Variants in IMPG1 observed in about 807,000 individuals in gnomAD.
The protein encoded by IMPG1 is interphotoreceptor matrix proteoglycan 1.
In IMPG1, 85 loss-of-function variants were observed where a neutral mutation model predicts 92.0. The ratio of observed to expected loss-of-function variants is 0.92; its 90% CI spans 0.78 to 1.11. The LOEUF (loss-of-function observed/expected upper bound fraction) is 1.11, where lower values mean the gene tolerates loss of function less well. Ranked by LOEUF, IMPG1 falls within the 50% of genes least tolerant of loss-of-function variation. The pLI is 0.00. For missense variants in IMPG1, 1,022 were observed against 956.0 expected, an observed-to-expected ratio of 1.07 and a Z score of -0.91; for synonymous variants, 367 against 334.1, an observed-to-expected ratio of 1.10 and a Z score of -1.08.
chr6:75,958,142 C>T lies in IMPG1; in HGVS notation c.1292-7048G>A, dbSNP rs562732452. On this transcript the variant is annotated intron_variant, in intron 12 of 16. Transcript: ENST00000369950. ...TCTGTAAAGGATTTTATTTCTTCTT[C>T]GCTTATGAAGCTTAGTTTGGCTGGA... Among the ~76,000 whole-genome samples, 12 of 152,262 alleles carry T rather than the reference C, an allele frequency of 7.9e-5. No individual in the cohort carries two copies. The South Asian group carries it at 1.7e-3, about 21-fold the overall frequency.
chr6:75,961,544 C>T (rs1205952425), intron 12 of IMPG1, among the ~76,000 whole-genome samples: 1 of 151,970 alleles, frequency 6.6e-6, no homozygotes, highest in East Asian at 1.9e-4. Context: ...AAAACAAAAA[C>T]CAAAACAATA....
intron 6 of IMPG1, among the ~76,000 whole-genome samples, chr6:76,020,272 T>G (rs1382165112): frequency 2.6e-5 from 4 of 152,124 alleles, no homozygotes; most frequent in Non-Finnish European, 4.4e-5. Context: ...AGGCTGATCT[T>G]GAGCTCCTGG....
chr6:76,007,832 C>G (rs76718899), intron 8 of IMPG1, among the ~76,000 whole-genome samples: 2,781 of 152,196 alleles, frequency 0.018, 88 homozygotes, highest in African/African-American at 0.064. Flanking sequence ...GAAATCTATC[C>G]TACATGTTTT....
intron 1 of IMPG1, among the ~76,000 whole-genome samples, chr6:76,067,353 A>T (rs1328286906): frequency 1.3e-5 from 2 of 152,108 alleles, no homozygotes; most frequent in South Asian, 4.1e-4. Context: ...GAAAAAGACA[A>T]CATTACTACT....
chr6:75,945,942 CTAAG>C (rs1781921019), intron 14 of IMPG1, among the ~76,000 whole-genome samples: 1 of 152,164 alleles, frequency 6.6e-6, no homozygotes, highest in Admixed American at 6.5e-5. Context: ...GGATGGGTCC[CTAAG>C]TAAGCTGTCA....
At chr6:76,012,090 A>T (rs1414436127) in intron 7 of IMPG1, among the ~76,000 whole-genome samples, 3 of 152,302 alleles carry the variant, frequency 2.0e-5, no homozygotes, top group Admixed American at 2.0e-4. Context: ...TGCTGTACTT[A>T]AAGTGGTAGA....
chr6:76,020,389 G>A (rs1474875915), intron 6 of IMPG1, among the ~76,000 whole-genome samples: 1 of 152,178 alleles, frequency 6.6e-6, no homozygotes, highest in African/African-American at 2.4e-5. Context: ...CATGCCAGCA[G>A]TTCAACCAAA....
chr6:76,015,800 CAAAAAAAAAA>C (rs35389302), intron 7 of IMPG1, among the ~76,000 whole-genome samples: 2 of 66,726 alleles, frequency 3.0e-5, no homozygotes, highest in East Asian at 4.2e-4. Flanking sequence ...AACTCTGTCT[CAAAAAAAAAA>C]AAAAAAAAAA....
chr6:75,973,443 C>G (rs958491404), intron 12 of IMPG1, among the ~76,000 whole-genome samples: 1 of 152,084 alleles, frequency 6.6e-6, no homozygotes, highest in Admixed American at 6.6e-5. Flanking sequence ...TGCCTGTTGA[C>G]TTTGTGTCAG....
At chr6:76,014,110 A>G (rs1424699899) in intron 7 of IMPG1, among the ~76,000 whole-genome samples, 1 of 152,190 alleles carries the variant, frequency 6.6e-6, no homozygotes, top group Non-Finnish European at 1.5e-5. Context: ...ATCTCTCTGA[A>G]TCTTGGTCTC....
chr6:75,974,329 CCCTT>C (rs1162097872), intron 12 of IMPG1, among the ~76,000 whole-genome samples: 14 of 122,614 alleles, frequency 1.1e-4, no homozygotes, highest in African/African-American at 3.0e-4. Context: ...CTCTTTCTTT[CCCTT>C]TCTTTCTTTC....
In IMPG1 at chr6:76,013,309, C is replaced by A. The variant is rs559954031; in HGVS notation, c.808-2085G>T. Among the ~76,000 whole-genome samples, 4 of 152,220 alleles carry A rather than the reference C, an allele frequency of 2.6e-5. No individual in the cohort carries two copies. In the South Asian group the frequency reaches 8.3e-4, roughly 32 times the overall value. The stretch of plus-strand genomic sequence containing the variant: ...CCATTCACTTCCTGCCATCATTATC[C>A]CCTTGGCCAATATCTTGTCCTTTAC... On this transcript the variant is annotated intron_variant, in intron 7 of 16. Transcript: ENST00000369950.
At position 75,950,867 on chromosome 6, in the gene IMPG1, G is replaced by A. The variant is rs367576664; in HGVS notation, c.1519C>T (p.Arg507Ter). ...ATATCTTCGCCACCTGCACTTGATC[G>A]GCTGTCATCTGAAGATGCAGGTGGA... ...SHPPASSDDSRSSAGGEDMVR... is the reference protein window; with the variant it reads ...SHPPASSDDS Residue 507 changes from arginine (R) to a stop codon, truncating the protein, a stop_gained, in exon 13 of 17, where the codon CGA becomes TGA. Coordinates refer to ENST00000369950, the MANE Select transcript of IMPG1 (RefSeq NM_001563.4). LOFTEE classifies it high-confidence loss of function. 46 of 1,613,732 alleles carry A rather than the reference G, an allele frequency of 2.9e-5. 1 individual carries two copies. Among genetic ancestry groups the A allele is most frequent in the African/African-American group, 4.0e-5 (3 of 74,900 alleles).
rs1384914258 is a variant in IMPG1 at position 75,974,397 on chromosome 6, T to TTCCTTCCTTGC, written c.1292-23304_1292-23303insGCAAGGAAGGA. On this transcript the variant is annotated intron_variant, in intron 12 of 16. Transcript: ENST00000369950. Reference sequence around the variant, plus strand: ...TTTCTTTCTTTCTTTCTTTCTTTTCTTTCTTTCCTTCCTTCCTTCCTTCCT... The same window carrying TTCCTTCCTTGC: ...TTTCTTTCTTTCTTTCTTTCTTTTCTTCCTTCCTTGCTTCTTTCCTTCCTTCCTTCCTTCCT... 7.4e-5 allele frequency among the ~76,000 whole-genome samples: 6 copies of TTCCTTCCTTGC among 81,188 alleles called. 1 individual carries two copies. The East Asian group carries it at 2.0e-3, about 27-fold the overall frequency. The allele number at this position is 81,188 out of a possible 152,430, so 53.3% of individuals were successfully genotyped here. A position where few individuals can be genotyped will look rare whatever the true frequency, so the allele number is the denominator to read the frequency against.
At chr6:76,050,285 T>C (rs1784018379) in intron 1 of IMPG1, among the ~76,000 whole-genome samples, 1 of 151,492 alleles carries the variant, frequency 6.6e-6, no homozygotes, top group East Asian at 1.9e-4. Context: ...ACTAAAAATA[T>C]AAAAAAAATT....
intron 1 of IMPG1, among the ~76,000 whole-genome samples, chr6:76,047,081 T>C (rs1159092429): frequency 1.3e-5 from 2 of 152,220 alleles, no homozygotes; most frequent in Non-Finnish European, 2.9e-5. Flanking sequence ...TAGAGTGTTT[T>C]TGTTACCAGC....
intron 1 of IMPG1, among the ~76,000 whole-genome samples, chr6:76,066,538 A>G (rs998508899): frequency 2.6e-5 from 4 of 152,094 alleles, no homozygotes; most frequent in Admixed American, 2.0e-4. Context: ...ATATGCACTC[A>G]AAACCAGATT....
At chr6:75,928,125 A>G (rs1051241717) in intron 15 of IMPG1, among the ~76,000 whole-genome samples, 8 of 152,184 alleles carry the variant, frequency 5.3e-5, no homozygotes, top group Admixed American at 4.6e-4. Context: ...CAAAAGCCGC[A>G]TGCAACCCTC....
intron 1 of IMPG1, among the ~76,000 whole-genome samples, chr6:76,053,255 A>T (rs1167686436): frequency 6.6e-6 from 1 of 152,208 alleles, no homozygotes; most frequent in Admixed American, 6.5e-5. Context: ...TGTACCTCAC[A>T]AATGTGAGCA....
Sources: allele counts gnomAD v4.1 joint callset (sites outside exome capture counted in the v4.1 genomes callset), GRCh38; gene constraint gnomAD v4.1.1; transcripts MANE v1.5; gene names NCBI Gene and HGNC (gene_info 2026-07-23, HGNC 2026-07-21).